SIRT1: variants seen among roughly 807,000 people sequenced by gnomAD.
SIRT1 encodes sirtuin 1, also known as NAD-dependent protein deacetylase sirtuin-1.
Under a neutral mutation model 67.9 loss-of-function variants are expected in SIRT1, and 24 were observed. The observed-to-expected ratio is 0.35, with a 90% CI of 0.26 to 0.50. The LOEUF (loss-of-function observed/expected upper bound fraction) is 0.50, where lower values mean the gene tolerates loss of function less well. Among genes scored for constraint, SIRT1 ranks in the 20% least tolerant of loss-of-function variants. The pLI, the probability that SIRT1 is intolerant of heterozygous loss-of-function variation, is 0.98. For missense variants in SIRT1, 873 were observed against 937.2 expected (o/e 0.93, Z 0.89); for synonymous variants, 378 against 350.7 (o/e 1.08, Z -0.87).
At chr10:67,903,972 C>A (rs549362302) in intron 4 of SIRT1, among the ~76,000 whole-genome samples, 1 of 152,108 alleles carries the variant, frequency 6.6e-6, no homozygotes, top group Admixed American at 6.6e-5. Flanking sequence ...GTCACACTTT[C>A]ACCATGGAAG....
At chr10:67,902,967 T>C (rs906248256) in intron 4 of SIRT1, among the ~76,000 whole-genome samples, 2 of 152,096 alleles carry the variant, frequency 1.3e-5, no homozygotes, top group Non-Finnish European at 2.9e-5. Context: ...GGCGCGCACC[T>C]GTAGTCCCAG....
intron 2 of SIRT1, among the ~76,000 whole-genome samples, chr10:67,888,022 G>A (rs1203338472): frequency 2.0e-5 from 3 of 152,100 alleles, no homozygotes; most frequent in Non-Finnish European, 4.4e-5. Context: ...GTTGTTTCCT[G>A]GTCTAGAATA....
At chr10:67,887,847 A>C (rs737477) in intron 2 of SIRT1, among the ~76,000 whole-genome samples, 11,484 of 152,274 alleles carry the variant, frequency 0.075, 710 homozygotes, top group East Asian at 0.3. Flanking sequence ...AAGTGCTGGG[A>C]TTACAGGCAT....
At chr10:67,907,014 A>G (rs536740275) in intron 5 of SIRT1, 77 bp downstream of exon 5, 11 of 1,242,074 alleles carry the variant, frequency 8.9e-6, no homozygotes, top group Non-Finnish European at 1.1e-6. Flanking sequence ...GCTGACTGCC[A>G]TCGAGAAGTG....
rs199731447 is a variant in SIRT1, at chr10:67,912,772, T to C, written c.1656T>C (p.Ile552=). Residue 552 remains isoleucine, a synonymous_variant, in exon 8 of 9, where the codon ATT becomes ATC. Coordinates refer to ENST00000212015, the MANE Select transcript of SIRT1 (RefSeq NM_012238.5). The part of the protein sequence containing the change: ...ERTSPPDSSV[I]VTLLDQAAKS... ...CTTCACCACCAGATTCTTCAGTGAT[T>C]GTCACACTTTTAGACCAAGCAGCTA... 6 of 1,614,144 alleles carry C rather than the reference T, an allele frequency of 3.7e-6. No individual in the cohort carries two copies. The highest frequency in any genetic ancestry group is 1.7e-5 in the Admixed American group (1 of 60,020).
chr10:67,888,379 A>G (rs988279196), intron 2 of SIRT1, among the ~76,000 whole-genome samples: 2 of 152,180 alleles, frequency 1.3e-5, no homozygotes, highest in Non-Finnish European at 2.9e-5. Flanking sequence ...GAAAATGATT[A>G]GTTCTCAGAA....
rs561715113 is a variant in SIRT1, at chr10:67,913,764, T to G, written c.1915+733T>G. 2.0e-5 allele frequency among the ~76,000 whole-genome samples: 3 copies of G among 152,352 alleles called. No homozygotes were observed. The East Asian group carries it at 5.8e-4, about 29-fold the overall frequency. On this transcript the variant is annotated intron_variant, in intron 8 of 8. Coordinates refer to ENST00000212015, the MANE Select transcript of SIRT1 (RefSeq NM_012238.5). ...CCACTGTAACTTAGCTATAACAGTC[T>G]TATATAACTTAGAACTTTAAGTCTC... is the stretch of plus-strand genomic sequence containing the variant.
chr10:67,896,470 G>A (rs1007543966), intron 4 of SIRT1, among the ~76,000 whole-genome samples: 1 of 152,120 alleles, frequency 6.6e-6, no homozygotes, highest in African/African-American at 2.4e-5. Context: ...TTGCTATGGG[G>A]AACTTTCCTG....
chr10:67,886,594 G>T (rs544168335), intron 1 of SIRT1, among the ~76,000 whole-genome samples: 39 of 151,204 alleles, frequency 2.6e-4, no homozygotes, highest in Admixed American at 1.6e-3. Flanking sequence ...TGTTTTTAGG[G>T]ACTGATTTAG....
intron 4 of SIRT1, among the ~76,000 whole-genome samples, chr10:67,901,215 C>G (rs1390929085): frequency 6.6e-6 from 1 of 151,982 alleles, no homozygotes; most frequent in Non-Finnish European, 1.5e-5. Context: ...GGACTGCAAC[C>G]TCTGTTCCCT....
chr10:67,903,523 A>G (rs1385797914), intron 4 of SIRT1, among the ~76,000 whole-genome samples: 2 of 151,916 alleles, frequency 1.3e-5, no homozygotes, highest in African/African-American at 4.8e-5. Context: ...TAGTGGGACT[A>G]CAGGCACCCG....
chr10:67,894,290 T>G (rs1394141289), intron 4 of SIRT1, among the ~76,000 whole-genome samples: 3 of 152,268 alleles, frequency 2.0e-5, no homozygotes, highest in African/African-American at 7.2e-5. Flanking sequence ...AACTTTTTAC[T>G]TCATATATCC....
chr10:67,894,665 C>G (rs1458099070), intron 4 of SIRT1, among the ~76,000 whole-genome samples: 1 of 152,094 alleles, frequency 6.6e-6, no homozygotes, highest in Non-Finnish European at 1.5e-5. Flanking sequence ...AAAATTCAGT[C>G]ACTTATAAGG....
At chr10:67,911,426 C>T (rs1842896599) in intron 7 of SIRT1, among the ~76,000 whole-genome samples, 1 of 151,836 alleles carries the variant, frequency 6.6e-6, no homozygotes, top group African/African-American at 2.4e-5. Context: ...CTCCTGGCCT[C>T]AAGTGATCCT....
intron 1 of SIRT1, among the ~76,000 whole-genome samples, chr10:67,885,734 C>G (rs1156315359): frequency 1.3e-5 from 2 of 152,204 alleles, no homozygotes; most frequent in East Asian, 3.9e-4. Context: ...AAGACATTAC[C>G]ATTCTGTAAT....
At chr10:67,907,311 A>G (rs933199416) in intron 5 of SIRT1, among the ~76,000 whole-genome samples, 1 of 152,048 alleles carries the variant, frequency 6.6e-6, no homozygotes, top group Non-Finnish European at 1.5e-5. Context: ...CTTGGCCAAC[A>G]TGGTGAAATC....
chr10:67,888,748 A>T, intron 2 of SIRT1, 134 bp from the exon 3 acceptor site: 1 of 953,654 alleles, frequency 1.0e-6, no homozygotes, highest in African/African-American at 1.6e-5. Flanking sequence ...TGTACCGAGA[A>T]TGAAATACCA....
At chr10:67,904,133 T>TG (rs1333744456) in intron 4 of SIRT1, among the ~76,000 whole-genome samples, 3 of 148,882 alleles carry the variant, frequency 2.0e-5, no homozygotes, top group Admixed American at 6.7e-5. Context: ...GTTTGTTTTT[T>TG]TTTTTTTTTT....
intron 4 of SIRT1, chr10:67,906,101 A>G (rs1348740328): frequency 7.9e-7 from 1 of 1,267,350 alleles, no homozygotes; most frequent in African/African-American, 1.5e-5. Flanking sequence ...GGGAGGACCA[A>G]AATTGATACT....
Sources: gnomAD v4.1 joint callset for allele counts (sites outside exome capture counted in the v4.1 genomes callset) on GRCh38, gnomAD v4.1.1 for gene constraint, MANE v1.5 for transcripts, NCBI Gene and HGNC (gene_info 2026-07-23, HGNC 2026-07-21) for gene names.